The following SUGCT variants were observed in gnomAD, a reference collection of about 807,000 sequenced individuals.
SUGCT encodes the protein succinyl-CoA:glutarate-CoA transferase.
Under a neutral mutation model 55.0 loss-of-function variants are expected in SUGCT, and 41 were observed. The observed-to-expected ratio is 0.74, with a 90% CI of 0.58 to 0.97. The LOEUF (loss-of-function observed/expected upper bound fraction) is 0.97, where lower values mean the gene tolerates loss of function less well. SUGCT is among the 50% of genes least tolerant of loss of function. The probability of loss-of-function intolerance (pLI) is 0.00; values close to 1 mark genes in which losing one functional copy is unlikely to be tolerated. For synonymous variants in SUGCT, 187 were observed against 200.4 expected, an observed-to-expected ratio of 0.93 and a Z score of 0.56; for missense variants, 568 against 547.8, an observed-to-expected ratio of 1.04 and a Z score of -0.37.
rs370483108 is a variant in SUGCT at position 40,778,438 on chromosome 7, T to G, written c.1153+28941T>G. 1.2e-4 allele frequency among the ~76,000 whole-genome samples: 19 copies of G among 152,382 alleles called. No homozygotes were observed. In the South Asian group the frequency reaches 2.9e-3, roughly 23 times the overall value. Reference sequence around the variant, plus strand: ...ATATGATATTTAGCTCATTTAAAATTTACATTTGTCTACCCATTTATTTTT... The same window carrying G: ...ATATGATATTTAGCTCATTTAAAATGTACATTTGTCTACCCATTTATTTTT... On this transcript the variant is annotated intron_variant, in intron 13 of 13. Transcript: ENST00000335693.
chr7:40,890,755 A>C, the SUGCT span, among the ~76,000 whole-genome samples: 1 of 152,204 alleles, frequency 6.6e-6, no homozygotes, highest in Admixed American at 6.5e-5. Context: ...AGCCACAAGA[A>C]ACATCAATAA....
the SUGCT span, among the ~76,000 whole-genome samples, chr7:40,943,931 T>C: frequency 6.7e-6 from 1 of 149,242 alleles, no homozygotes; most frequent in Non-Finnish European, 1.5e-5. Flanking sequence ...CCACATCCTC[T>C]CCAGCACCTG....
At chr7:40,562,060 G>A (rs1276105766) in intron 12 of SUGCT, among the ~76,000 whole-genome samples, 1 of 150,862 alleles carries the variant, frequency 6.6e-6, no homozygotes. Context: ...AGCACTTTGG[G>A]AGGCTGAAGC....
At chr7:40,861,383 T>A (rs962300476), downstream of SUGCT, among the ~76,000 whole-genome samples, 1 of 152,206 alleles carries the variant, frequency 6.6e-6, no homozygotes, top group Non-Finnish European at 1.5e-5. Flanking sequence ...TGCCTTAGCA[T>A]TGAGTATTTC....
intron 12 of SUGCT, among the ~76,000 whole-genome samples, chr7:40,709,876 A>G (rs927623325): frequency 6.6e-6 from 1 of 152,226 alleles, no homozygotes; most frequent in East Asian, 1.9e-4. Flanking sequence ...GGTGAAGCTC[A>G]AAGATTAATT....
At chr7:40,393,757 G>A (rs894678936) in intron 9 of SUGCT, among the ~76,000 whole-genome samples, 1 of 152,174 alleles carries the variant, frequency 6.6e-6, no homozygotes, top group African/African-American at 2.4e-5. Context: ...CTGAAGGAAG[G>A]GAATGAAGAT....
Position 40,324,244 on chromosome 7 carries a change from A to ATATATATATATATATATATAT in SUGCT, c.816+7389_816+7390insTATATATATATATATATATAT, listed in dbSNP as rs1562681042. ...AGATGATCATATATATAAATAAATA[A>ATATATATATATATATATATAT]ATAAATAAATATATATATATTTATT... On this transcript the variant is annotated intron_variant, in intron 9 of 13. Transcript: ENST00000335693. 4.5e-4 allele frequency among the ~76,000 whole-genome samples: 44 copies of ATATATATATATATATATATAT among 98,420 alleles called. 3 individuals carry two copies. The highest frequency in any genetic ancestry group is 1.8e-3 in the African/African-American group (42 of 22,888). 64.6% of individuals were successfully genotyped at this position (98,420 alleles called of 152,430 possible). A position where few individuals can be genotyped will look rare whatever the true frequency, so the allele number is the denominator to read the frequency against.
intron 12 of SUGCT, among the ~76,000 whole-genome samples, chr7:40,575,595 G>GAA (rs772789990): frequency 1.4e-5 from 2 of 143,700 alleles, no homozygotes; most frequent in Admixed American, 1.4e-4. Context: ...ATTTAAATGG[G>GAA]AAAAAAAAAA....
At chr7:40,773,369 C>T (rs753716084) in intron 13 of SUGCT, among the ~76,000 whole-genome samples, 47 of 152,080 alleles carry the variant, frequency 3.1e-4, no homozygotes, top group Non-Finnish European at 5.6e-4. Flanking sequence ...CCTTAGGTGA[C>T]CAGCCCACCT....
At chr7:41,009,734 A>G in the SUGCT span, among the ~76,000 whole-genome samples, 1 of 152,018 alleles carries the variant, frequency 6.6e-6, no homozygotes, top group African/African-American at 2.4e-5. Context: ...CATCCATCTC[A>G]GTGTCCTGAT....
In SUGCT at chr7:40,546,145, T is replaced by C. The variant is rs146052145; in HGVS notation, c.1089+49759T>C. Among the ~76,000 whole-genome samples the C allele has an allele frequency of 9.2e-5, 14 of 152,300 alleles. No individual in the cohort carries two copies. The East Asian group carries it at 1.9e-3, about 21-fold the overall frequency. The stretch of plus-strand genomic sequence containing the variant: ...CTAGCTCAGACTTAGACACAGGACA[T>C]CATTACATGTAGCAGACCAATGGGA... On this transcript the variant is annotated intron_variant, in intron 12 of 13. Coordinates refer to ENST00000335693, the MANE Select transcript of SUGCT (RefSeq NM_001193313.2).
At chr7:40,787,482 CTCAGA>C (rs1267566735) in intron 13 of SUGCT, among the ~76,000 whole-genome samples, 1 of 98,750 alleles carries the variant, frequency 1.0e-5, no homozygotes, top group African/African-American at 3.3e-5. Flanking sequence ...AAAGTAAGAT[CTCAGA>C]GAAAAGTAGA....
In SUGCT at chr7:40,189,550, G is replaced by T; in HGVS notation, c.319G>T (p.Ala107Ser). ...TATATTTTTTAATTTTTAGAGTATT[G>T]CTGTTAATATCAAGGATCCAAAAGG... ...LSVNRNKKSI[A>S]VNIKDPKGVK... The change falls in exon 5 of 14, where the codon GCT (alanine) becomes TCT (serine). Residue 107 changes from alanine (A) to serine (S), a missense_variant. Transcript: ENST00000335693. The T allele has an allele frequency of 1.6e-6, 2 of 1,287,584 alleles. No individual in the cohort carries two copies. Among genetic ancestry groups the T allele is most frequent in the Non-Finnish European group, 1.0e-6 (1 of 975,756 alleles). The allele number at this position is 1,287,584 out of a possible 1,614,324, so 79.8% of individuals were successfully genotyped here.
chr7:40,339,094 T>C (rs1390283163), intron 9 of SUGCT, among the ~76,000 whole-genome samples: 1 of 152,198 alleles, frequency 6.6e-6, no homozygotes, highest in East Asian at 1.9e-4. Flanking sequence ...TACTGCCTGA[T>C]TGTTCCTCTG....
intron 12 of SUGCT, among the ~76,000 whole-genome samples, chr7:40,542,991 A>G (rs982813139): frequency 2.0e-5 from 3 of 152,226 alleles, no homozygotes; most frequent in African/African-American, 7.2e-5. Context: ...ATTTAGGCCA[A>G]TTGCTATGGC....
intron 12 of SUGCT, among the ~76,000 whole-genome samples, chr7:40,659,924 A>G (rs537490021): frequency 5.1e-4 from 78 of 152,214 alleles, no homozygotes; most frequent in Middle Eastern, 3.4e-3. Context: ...TCCTCTCCTT[A>G]TTAAACTAGA....
At chr7:40,556,532 A>G (rs138171129) in intron 12 of SUGCT, among the ~76,000 whole-genome samples, 2 of 152,334 alleles carry the variant, frequency 1.3e-5, no homozygotes, top group African/African-American at 4.8e-5. Flanking sequence ...CAGGAGAACT[A>G]GCAGGTGTTG....
chr7:40,590,182 T>A (rs1003587045), intron 12 of SUGCT, among the ~76,000 whole-genome samples: 1 of 152,200 alleles, frequency 6.6e-6, no homozygotes, highest in Non-Finnish European at 1.5e-5. Context: ...TTAATAAATA[T>A]GTGTTCTGAC....
chr7:40,766,860 T>TTA (rs1452896328), intron 13 of SUGCT, among the ~76,000 whole-genome samples: 1 of 152,194 alleles, frequency 6.6e-6, no homozygotes, highest in African/African-American at 2.4e-5. Flanking sequence ...AAGTTACTGG[T>TTA]ATTATTACTG....
Sources: allele counts gnomAD v4.1 joint callset (sites outside exome capture counted in the v4.1 genomes callset), GRCh38; gene constraint gnomAD v4.1.1; transcripts MANE v1.5; gene names NCBI Gene and HGNC (gene_info 2026-07-23, HGNC 2026-07-21).